SPIRE1: variants seen among roughly 807,000 people sequenced by gnomAD.
SPIRE1 encodes protein spire homolog 1.
Under a neutral mutation model 94.1 loss-of-function variants are expected in SPIRE1, and 40 were observed. The observed-to-expected ratio is 0.43, with a 90% CI of 0.33 to 0.55. SPIRE1 has a LOEUF of 0.55. Ranked by LOEUF, SPIRE1 falls within the 20% of genes least tolerant of loss-of-function variation. SPIRE1 has a pLI of 0.06. For synonymous variants in SPIRE1, 376 were observed against 371.7 expected (o/e 1.01, Z -0.13); for missense variants, 838 against 975.2 (o/e 0.86, Z 1.87).
At position 12,610,611 on chromosome 18, in the gene SPIRE1, T is replaced by TTCA. The variant is rs1205380517; in HGVS notation, c.372+24450_372+24451insTGA. Among the ~76,000 whole-genome samples, 20 of 152,302 alleles carry TTCA rather than the reference T, an allele frequency of 1.3e-4. No homozygotes were observed. The South Asian group carries it at 4.2e-3, about 32-fold the overall frequency. On this transcript the variant is annotated intron_variant, in intron 2 of 16. Transcript: ENST00000409402. Reference sequence around the variant, plus strand: ...CCCCACCTGCATTTGTATAGCTGAATGTGGCTAGAGTAAAACACAGAAAAC... The same window carrying TTCA: ...CCCCACCTGCATTTGTATAGCTGAATTCAGTGGCTAGAGTAAAACACAGAAAAC...
In SPIRE1 at chr18:12,657,810, G is replaced by A. The variant is rs1273189059; in HGVS notation, c.57C>T (p.Gly19=). The change falls in exon 1 of 17, where the codon GGC becomes GGT. Residue 19 remains glycine (G), a synonymous_variant. Transcript: ENST00000409402. ...GGGEPRTEAV[G]GEGPREPGAA... is the part of the protein sequence containing the mutation. ...CCCCGGGCTCCCGCGGCCCCTCGCC[G>A]CCCACTGCCTCAGTCCGCGGCTCCC... 3.2e-6 allele frequency: 4 copies of A among 1,248,464 alleles called. No individual in the cohort carries two copies. Among genetic ancestry groups the A allele is most frequent in the Non-Finnish European group, 4.0e-6 (4 of 996,118 alleles). The allele number at this position is 1,248,464 out of a possible 1,614,324, so 77.3% of individuals were successfully genotyped here.
At chr18:12,594,232 C>A (rs955540536) in intron 2 of SPIRE1, among the ~76,000 whole-genome samples, 1 of 152,024 alleles carries the variant, frequency 6.6e-6, no homozygotes, top group Non-Finnish European at 1.5e-5. Flanking sequence ...TGGATCAATA[C>A]CACCAAAGTA....
intron 10 of SPIRE1, among the ~76,000 whole-genome samples, chr18:12,478,258 G>A (rs1006566412): frequency 1.3e-5 from 2 of 151,944 alleles, no homozygotes; most frequent in African/African-American, 2.4e-5. Context: ...CATGCACGCA[G>A]GTGTGTGTAT....
chr18:12,547,092 T>C (rs577145123), intron 2 of SPIRE1, among the ~76,000 whole-genome samples, 188 bp from the exon 3 acceptor site: 1 of 151,722 alleles, frequency 6.6e-6, no homozygotes, highest in South Asian at 2.1e-4. Context: ...ATATATAAAA[T>C]ATTAACCGAG....
chr18:12,521,901 G>A (rs886319681), intron 4 of SPIRE1, among the ~76,000 whole-genome samples: 1 of 152,004 alleles, frequency 6.6e-6, no homozygotes, highest in Non-Finnish European at 1.5e-5. Context: ...CGTGTGTTCT[G>A]ACTGCTCCGC....
chr18:12,531,817 T>C (rs1446327319), intron 4 of SPIRE1, among the ~76,000 whole-genome samples: 1 of 152,194 alleles, frequency 6.6e-6, no homozygotes, highest in African/African-American at 2.4e-5. Flanking sequence ...ATACTACCAT[T>C]AATATAATTT....
At chr18:12,646,053 C>G (rs1364992972) in intron 1 of SPIRE1, among the ~76,000 whole-genome samples, 1 of 152,196 alleles carries the variant, frequency 6.6e-6, no homozygotes, top group Non-Finnish European at 1.5e-5. Context: ...AATGCGGTAA[C>G]TGATTAGCAG....
At chr18:12,516,437 C>T (rs1305520113) in intron 4 of SPIRE1, among the ~76,000 whole-genome samples, 1 of 152,050 alleles carries the variant, frequency 6.6e-6, no homozygotes, top group Non-Finnish European at 1.5e-5. Flanking sequence ...GGGCTGCAGA[C>T]GGTAGTAAGA....
chr18:12,501,072 C>CAAAAAAAAAAAAAAAA (rs67894900), intron 6 of SPIRE1, among the ~76,000 whole-genome samples: 371 of 80,226 alleles, frequency 4.6e-3, no homozygotes, highest in East Asian at 5.7e-3. Flanking sequence ...AACTCTGTCT[C>CAAAAAAAAAAAAAAAA]AAAAAAAAAA....
chr18:12,565,095 T>C (rs1382372297), intron 2 of SPIRE1, among the ~76,000 whole-genome samples: 2 of 152,146 alleles, frequency 1.3e-5, no homozygotes, highest in East Asian at 3.8e-4. Context: ...ACATCGAGCA[T>C]GATAAATGCC....
chr18:12,510,785 C>T (rs974009361), intron 5 of SPIRE1, among the ~76,000 whole-genome samples: 3 of 152,100 alleles, frequency 2.0e-5, no homozygotes, highest in African/African-American at 7.2e-5. Context: ...GGTGATCCGC[C>T]CACCTCAGCC....
chr18:12,454,282 G>A, intron 13 of SPIRE1, 64 bp downstream of exon 13: 1 of 1,587,416 alleles, frequency 6.3e-7, no homozygotes, highest in Non-Finnish European at 8.6e-7. Context: ...ACTCTCCCAG[G>A]AGACTATGCA....
intron 13 of SPIRE1, 95 bp from the exon 14 acceptor site, chr18:12,453,233 A>C (rs562166403): frequency 8.7e-5 from 66 of 757,278 alleles, no homozygotes; most frequent in Middle Eastern, 2.9e-4. Context: ...TATATAGGGG[A>C]AGCTGAACAG....
upstream of SPIRE1, chr18:12,658,751 C>A: frequency 2.6e-6 from 1 of 383,030 alleles, no homozygotes; most frequent in Non-Finnish European, 5.5e-6. Context: ...TTGAATACCT[C>A]CCTCTCCACT....
chr18:12,481,416 C>T (rs2032838384), intron 9 of SPIRE1, among the ~76,000 whole-genome samples: 1 of 151,814 alleles, frequency 6.6e-6, no homozygotes, highest in Non-Finnish European at 1.5e-5. Flanking sequence ...CTTTCCCTGA[C>T]ATTATTTATA....
At chr18:12,605,988 T>G (rs771571732) in intron 2 of SPIRE1, among the ~76,000 whole-genome samples, 3 of 152,142 alleles carry the variant, frequency 2.0e-5, no homozygotes, top group African/African-American at 4.8e-5. Flanking sequence ...TGTGCTTGCT[T>G]CTTCTTCTGC....
chr18:12,646,450 T>G (rs2144872064), intron 1 of SPIRE1, among the ~76,000 whole-genome samples: 1 of 152,256 alleles, frequency 6.6e-6, no homozygotes, highest in East Asian at 1.9e-4. Context: ...CACAGTGCAC[T>G]TAGAAGGCAC....
At chr18:12,462,231 C>T (rs1227366824) in intron 12 of SPIRE1, among the ~76,000 whole-genome samples, 2 of 152,152 alleles carry the variant, frequency 1.3e-5, no homozygotes, top group African/African-American at 2.4e-5. Context: ...TGTTCAAAAT[C>T]CCTGTCTTCA....
At chr18:12,490,053 G>A (rs1163075163) in intron 8 of SPIRE1, among the ~76,000 whole-genome samples, 2 of 152,126 alleles carry the variant, frequency 1.3e-5, no homozygotes, top group African/African-American at 4.8e-5. Flanking sequence ...ATGTAGTTCT[G>A]TAGAAAAAAT....
Sources: gnomAD v4.1 joint callset for allele counts (sites outside exome capture counted in the v4.1 genomes callset) on GRCh38, gnomAD v4.1.1 for gene constraint, MANE v1.5 for transcripts, NCBI Gene and HGNC (gene_info 2026-07-23, HGNC 2026-07-21) for gene names.